The following SLC5A4 variants were observed in gnomAD, a reference collection of about 807,000 sequenced individuals.
SLC5A4 encodes probable glucose sensor protein SLC5A4.
SLC5A4 carries 55 observed loss-of-function variants against 70.3 expected under a neutral mutation model. The observed-to-expected ratio is 0.78, with a 90% CI of 0.63 to 0.98. SLC5A4 has a LOEUF of 0.98. Among genes scored for constraint, SLC5A4 ranks in the 50% least tolerant of loss-of-function variants. The pLI is 0.00. For missense variants in SLC5A4, 735 were observed against 839.2 expected (o/e 0.88, Z 1.53); for synonymous variants, 268 against 305.7 (o/e 0.88, Z 1.29).
chr22:32,271,042 G>C, the SLC5A4 span: 7 of 567,334 alleles, frequency 1.2e-5, no homozygotes, highest in Non-Finnish European at 2.2e-5. Flanking sequence ...AGGAAATGCT[G>C]TGTGGGGATT....
At chr22:32,282,705 C>T in the SLC5A4 span, among the ~76,000 whole-genome samples, 1 of 152,206 alleles carries the variant, frequency 6.6e-6, no homozygotes, top group African/African-American at 2.4e-5. Context: ...ACACGTCCAA[C>T]ACTGAACTCC....
chr22:32,326,718 G>T, the SLC5A4 span, among the ~76,000 whole-genome samples: 4 of 152,242 alleles, frequency 2.6e-5, no homozygotes, highest in African/African-American at 9.6e-5. Flanking sequence ...CGGAGAAAGA[G>T]ACTCTGCTGA....
In SLC5A4 at chr22:32,218,791, A is replaced by G. The variant is rs1217435119; in HGVS notation, c.1769-66T>C. 8.2e-6 allele frequency: 10 copies of G among 1,213,058 alleles called. No individual in the cohort carries two copies. The African/African-American group carries it at 1.0e-4, about 13-fold the overall frequency. The allele number at this position is 1,213,058 out of a possible 1,614,324, so 75.1% of individuals were successfully genotyped here. A position where few individuals can be genotyped will look rare whatever the true frequency, so the allele number is the denominator to read the frequency against. Reference sequence around the variant, plus strand: ...CACAAAGGAACTAGAAATCCTTGTCAGTGTAGTACCTATGACTGTAAAAAA... The same window carrying G: ...CACAAAGGAACTAGAAATCCTTGTCGGTGTAGTACCTATGACTGTAAAAAA... On this transcript the variant is annotated intron_variant, in intron 14 of 14. Transcript: ENST00000266086.
chr22:32,311,267 G>A, the SLC5A4 span, among the ~76,000 whole-genome samples: 3 of 152,116 alleles, frequency 2.0e-5, no homozygotes, highest in Admixed American at 6.5e-5. Flanking sequence ...CTTGCTCACT[G>A]TTGTGTCTGG....
At chr22:32,275,558 C>T in the SLC5A4 span, among the ~76,000 whole-genome samples, 26,237 of 152,142 alleles carry the variant, frequency 0.17, 2,596 homozygotes, top group East Asian at 0.32. Flanking sequence ...CATCATTTTT[C>T]ATGGCTGCAT....
At chr22:32,335,467 G>A in the SLC5A4 span, among the ~76,000 whole-genome samples, 1 of 152,314 alleles carries the variant, frequency 6.6e-6, no homozygotes, top group South Asian at 2.1e-4. Flanking sequence ...GACAAGAAAA[G>A]AGGATAGACT....
At position 32,218,562 on chromosome 22, in the gene SLC5A4, G is replaced by A. The variant is rs1311679547; in HGVS notation, c.1932C>T (p.Ala644=). The A allele has an allele frequency of 1.2e-6, 2 of 1,613,768 alleles. No homozygotes were observed. The highest frequency in any genetic ancestry group is 1.7e-6 in the Non-Finnish European group (2 of 1,179,988). Residue 644 remains alanine (A), a synonymous_variant, in exon 15 of 15, where the codon GCC becomes GCT. Coordinates refer to ENST00000266086, the MANE Select transcript of SLC5A4 (RefSeq NM_014227.3). ...PSWRTIVNIN[A]ILLLAVVVFI... is the part of the protein sequence containing the mutation. ...AGACCACCACAGCCAGGAGGAGGAT[G>A]GCGTTGATGTTCACTATTGTCCTCC...
At chr22:32,252,632 C>A (rs1157324378) in intron 2 of SLC5A4, among the ~76,000 whole-genome samples, 1 of 152,170 alleles carries the variant, frequency 6.6e-6, no homozygotes, top group East Asian at 1.9e-4. Flanking sequence ...TCGTTGGCCC[C>A]TGTCTTGGGG....
intron 13 of SLC5A4, among the ~76,000 whole-genome samples, chr22:32,221,807 A>G (rs917148006): frequency 7.9e-5 from 12 of 152,160 alleles, no homozygotes; most frequent in African/African-American, 2.9e-4. Flanking sequence ...CTGGAGTGCA[A>G]TGGTGCGATC....
At chr22:32,340,688 G>T in the SLC5A4 span, among the ~76,000 whole-genome samples, 1 of 152,202 alleles carries the variant, frequency 6.6e-6, no homozygotes, top group Non-Finnish European at 1.5e-5. Context: ...GAGAGGTCTG[G>T]TTGGAGGAAC....
At chr22:32,331,185 G>GTTGGGGGCTCTGGTGTGTGTA in the SLC5A4 span, among the ~76,000 whole-genome samples, 4 of 129,736 alleles carry the variant, frequency 3.1e-5, no homozygotes, top group African/African-American at 1.2e-4. Flanking sequence ...TGGTGTATGT[G>GTTGGGGGCTCTGGTGTGTGTA]TTGGGGGCTC....
At chr22:32,300,594 A>T in the SLC5A4 span, among the ~76,000 whole-genome samples, 1 of 151,228 alleles carries the variant, frequency 6.6e-6, no homozygotes, top group Non-Finnish European at 1.5e-5. Flanking sequence ...GGTACCTCAG[A>T]TGGAAATGCA....
chr22:32,328,586 G>A, the SLC5A4 span, among the ~76,000 whole-genome samples: 4 of 151,808 alleles, frequency 2.6e-5, no homozygotes, highest in African/African-American at 9.7e-5. Context: ...AGTGAGCTGG[G>A]AAGTGTATCC....
At chr22:32,294,654 A>G in the SLC5A4 span, among the ~76,000 whole-genome samples, 2 of 122,272 alleles carry the variant, frequency 1.6e-5, no homozygotes, top group Non-Finnish European at 3.4e-5. Context: ...TATAAATACA[A>G]TGGTGGTTGG....
At chr22:32,313,509 C>T in the SLC5A4 span, among the ~76,000 whole-genome samples, 1 of 152,068 alleles carries the variant, frequency 6.6e-6, no homozygotes, top group Non-Finnish European at 1.5e-5. Context: ...AGAGAAGATA[C>T]CAAGATGCTC....
chr22:32,307,741 G>A, the SLC5A4 span, among the ~76,000 whole-genome samples: 63 of 152,314 alleles, frequency 4.1e-4, no homozygotes, highest in African/African-American at 1.4e-3. Flanking sequence ...TAAGTGCACA[G>A]GCTTGTCTTC....
At chr22:32,305,074 T>C in the SLC5A4 span, among the ~76,000 whole-genome samples, 2 of 152,010 alleles carry the variant, frequency 1.3e-5, no homozygotes, top group Non-Finnish European at 2.9e-5. Context: ...TTCTGTTCAT[T>C]GTCTGTTCTT....
the SLC5A4 span, among the ~76,000 whole-genome samples, chr22:32,291,019 C>T: frequency 6.6e-6 from 1 of 151,990 alleles, no homozygotes; most frequent in Non-Finnish European, 1.5e-5. Flanking sequence ...TTTTTAATTT[C>T]TGATATTGGA....
chr22:32,273,020 GAGC>G, the SLC5A4 span: 1 of 540,842 alleles, frequency 1.8e-6, no homozygotes, highest in East Asian at 5.2e-5. Context: ...GAGCACCATG[GAGC>G]AGCAAGCTGG....
Sources: gnomAD v4.1 joint callset for allele counts (sites outside exome capture counted in the v4.1 genomes callset) on GRCh38, gnomAD v4.1.1 for gene constraint, MANE v1.5 for transcripts, NCBI Gene and HGNC (gene_info 2026-07-23, HGNC 2026-07-21) for gene names.